PRKAA2: variants seen among roughly 807,000 people sequenced by gnomAD.
PRKAA2 encodes 5'-AMP-activated protein kinase catalytic subunit alpha-2.
PRKAA2 carries 40 observed loss-of-function variants against 56.3 expected under a neutral mutation model. That is an observed-to-expected ratio of 0.71 (90% CI 0.55 to 0.92). The LOEUF (loss-of-function observed/expected upper bound fraction) is 0.92, where lower values mean the gene tolerates loss of function less well. Among genes scored for constraint, PRKAA2 ranks in the 40% least tolerant of loss-of-function variants. PRKAA2 has a pLI of 0.00. For synonymous variants in PRKAA2, 214 were observed against 234.2 expected (o/e 0.91, Z 0.79); for missense variants, 542 against 686.9 (o/e 0.79, Z 2.36).
chr1:56,653,480 G>C (rs1643916767), intron 1 of PRKAA2, among the ~76,000 whole-genome samples: 1 of 152,000 alleles, frequency 6.6e-6, no homozygotes, highest in Non-Finnish European at 1.5e-5. Context: ...TAGAAGACCT[G>C]GTGTGGAACC....
At chr1:56,653,123 C>G (rs890599166) in intron 1 of PRKAA2, among the ~76,000 whole-genome samples, 3 of 139,230 alleles carry the variant, frequency 2.2e-5, no homozygotes, top group East Asian at 3.9e-4. Context: ...AAATTCTAAA[C>G]AAGTGTTAAA....
At chr1:56,705,790 C>T (rs1310587195) in intron 7 of PRKAA2, among the ~76,000 whole-genome samples, 1 of 152,208 alleles carries the variant, frequency 6.6e-6, no homozygotes, top group East Asian at 1.9e-4. Context: ...AGAGTTGATG[C>T]TTATCTAGAG....
At chr1:56,663,307 C>T (rs769855276) in intron 1 of PRKAA2, among the ~76,000 whole-genome samples, 1 of 152,112 alleles carries the variant, frequency 6.6e-6, no homozygotes, top group Non-Finnish European at 1.5e-5. Flanking sequence ...AGGCTGGTCT[C>T]GTCCTCCTGG....
chr1:56,687,888 G>A (rs1358383678), intron 2 of PRKAA2, among the ~76,000 whole-genome samples: 1 of 151,804 alleles, frequency 6.6e-6, no homozygotes, highest in Non-Finnish European at 1.5e-5. Flanking sequence ...CGTATAACTT[G>A]GTCAACTGGA....
intron 1 of PRKAA2, among the ~76,000 whole-genome samples, chr1:56,670,599 G>A (rs929145390): frequency 6.6e-6 from 1 of 152,188 alleles, no homozygotes; most frequent in Non-Finnish European, 1.5e-5. Flanking sequence ...GTACTCAGTT[G>A]TAATTTGGGA....
At chr1:56,704,653 A>G (rs1008237470) in intron 7 of PRKAA2, among the ~76,000 whole-genome samples, 178 bp downstream of exon 7, 1 of 152,224 alleles carries the variant, frequency 6.6e-6, no homozygotes, top group African/African-American at 2.4e-5. Flanking sequence ...GGGAACCAAC[A>G]TATTTTGAAT....
chr1:56,713,485 C>T lies in PRKAA2; in HGVS notation c.*5772C>T, dbSNP rs888184640. On this transcript the variant is annotated 3_prime_UTR_variant, in exon 9 of 9. Coordinates refer to ENST00000371244, the MANE Select transcript of PRKAA2 (RefSeq NM_006252.4). Reference sequence around the variant, plus strand: ...AAGCAGGGTAGGTAAATTTCAATTACGTTTGAAGTGTAATTAAATCCTAGA... The same window carrying T: ...AAGCAGGGTAGGTAAATTTCAATTATGTTTGAAGTGTAATTAAATCCTAGA... The T allele has an allele frequency of 2.6e-5, 4 of 151,538 alleles. No homozygotes were observed. The highest frequency in any genetic ancestry group is 4.4e-5 in the Non-Finnish European group (3 of 67,938). 9.4% of individuals were successfully genotyped at this position (151,538 alleles called of 1,614,324 possible).
At chr1:56,646,324 G>T (rs2100371815) in intron 1 of PRKAA2, among the ~76,000 whole-genome samples, 1 of 152,246 alleles carries the variant, frequency 6.6e-6, no homozygotes, top group East Asian at 1.9e-4. Flanking sequence ...CTAGGGTAAG[G>T]GAGAGAAAAA....
At position 56,707,875 on chromosome 1, in the gene PRKAA2, G is replaced by C. The variant is rs889039584; in HGVS notation, c.*162G>C. ...TGAAATTACTGAAAACAAAATATCT[G>C]ACATCTTATTTACTTGTAGAAATCT... On this transcript the variant is annotated 3_prime_UTR_variant, in exon 9 of 9. Coordinates refer to ENST00000371244, the MANE Select transcript of PRKAA2 (RefSeq NM_006252.4). The C allele has an allele frequency of 1.5e-6, 1 of 677,378 alleles. No individual in the cohort carries two copies. Among genetic ancestry groups the C allele is most frequent in the Non-Finnish European group, 2.5e-6 (1 of 406,354 alleles). The allele number at this position is 677,378 out of a possible 1,614,324, so 42.0% of individuals were successfully genotyped here. A position where few individuals can be genotyped will look rare whatever the true frequency, so the allele number is the denominator to read the frequency against.
rs755346871 is a variant in PRKAA2 at position 56,692,469 on chromosome 1, G to T, written c.442G>T (p.Asp148Tyr). The T allele has an allele frequency of 1.9e-6, 3 of 1,614,064 alleles. No individual in the cohort carries two copies. Among genetic ancestry groups the T allele is most frequent in the Non-Finnish European group, 2.5e-6 (3 of 1,179,978 alleles). ...RDLKPENVLL[D>Y]AHMNAKIADF... is the part of the protein sequence containing the mutation. ...CCTGAAACCAGAGAATGTCCTGTTGGATGCACACATGAATGCCAAGATAGC... is the reference window on the plus strand; with the variant it reads ...CCTGAAACCAGAGAATGTCCTGTTGTATGCACACATGAATGCCAAGATAGC... Residue 148 changes from aspartate (D) to tyrosine (Y), a missense_variant, in exon 4 of 9, where the codon GAT (aspartate) becomes TAT (tyrosine). This residue lies in a region of PRKAA2 where 121 missense variants were observed against 210.0 expected (regional missense o/e 0.58). Transcript: ENST00000371244.
intron 2 of PRKAA2, among the ~76,000 whole-genome samples, chr1:56,686,883 CTT>C (rs144698190): frequency 0.87 from 111,991 of 128,612 alleles, 48,614 homozygotes; most frequent in Admixed American, 0.89. Flanking sequence ...CCTAAATACT[CTT>C]TTTTTTTTTT....
intron 1 of PRKAA2, among the ~76,000 whole-genome samples, chr1:56,645,696 G>C (rs1270344176): frequency 6.6e-6 from 1 of 152,058 alleles, no homozygotes; most frequent in African/African-American, 2.4e-5. Flanking sequence ...GAGGGCGGGG[G>C]TGTGAGCTGA....
chr1:56,668,674 T>G (rs987689641), intron 1 of PRKAA2, among the ~76,000 whole-genome samples: 1 of 152,146 alleles, frequency 6.6e-6, no homozygotes, highest in Non-Finnish European at 1.5e-5. Flanking sequence ...CTAAACTATA[T>G]AATATATTAA....
intron 1 of PRKAA2, among the ~76,000 whole-genome samples, chr1:56,668,181 T>C (rs1245252538): frequency 1.3e-5 from 2 of 150,744 alleles, no homozygotes; most frequent in African/African-American, 4.9e-5. Flanking sequence ...TCAGGGACTC[T>C]TTAGAGTACA....
In PRKAA2 at chr1:56,655,285, T is replaced by A. The variant is rs868556514; in HGVS notation, c.94+9804T>A. ...TTATATATCTATATATATATATTTT[T>A]TTTTTTTTTTTGTAGAGACAGGGTC... is the stretch of plus-strand genomic sequence containing the variant. On this transcript the variant is annotated intron_variant, in intron 1 of 8. Transcript: ENST00000371244. Among the ~76,000 whole-genome samples the A allele has an allele frequency of 9.0e-3, 1,253 of 139,092 alleles. 26 individuals are homozygous for A. The highest frequency in any genetic ancestry group is 0.014 in the Admixed American group (194 of 13,776). The allele number at this position is 139,092 out of a possible 152,430, so 91.2% of individuals were successfully genotyped here.
intron 6 of PRKAA2, among the ~76,000 whole-genome samples, chr1:56,698,842 A>C (rs1425471060): frequency 1.3e-5 from 2 of 152,118 alleles, no homozygotes; most frequent in African/African-American, 4.8e-5. Flanking sequence ...GCTCTGTGCA[A>C]GGTCTTGTGC....
At position 56,689,889 on chromosome 1, in the gene PRKAA2, GACACACAGACACAC is replaced by G. The variant is rs1471685159; in HGVS notation, c.237-1497_237-1484del. ...CCAGCTTTGGATGCCTAGAAACACA[GACACACAGACACAC>G]ACACACACACACACACACACACACA... On this transcript the variant is annotated intron_variant, in intron 2 of 8. Transcript: ENST00000371244. 8.0e-5 allele frequency among the ~76,000 whole-genome samples: 5 copies of G among 62,438 alleles called. No homozygotes were observed. The South Asian group carries it at 3.0e-3, about 38-fold the overall frequency. 41.0% of individuals were successfully genotyped at this position (62,438 alleles called of 152,430 possible).
intron 2 of PRKAA2, among the ~76,000 whole-genome samples, chr1:56,688,107 G>A (rs1170466839): frequency 6.6e-6 from 1 of 152,104 alleles, no homozygotes; most frequent in East Asian, 1.9e-4. Context: ...ACTCAGGCCA[G>A]GCTTAGAATG....
At chr1:56,698,068 T>C (rs1644270576) in intron 6 of PRKAA2, among the ~76,000 whole-genome samples, 1 of 146,016 alleles carries the variant, frequency 6.8e-6, no homozygotes, top group Non-Finnish European at 1.5e-5. Flanking sequence ...GGAATTCTCA[T>C]TTTTTTAATT....
Sources: allele counts gnomAD v4.1 joint callset (sites outside exome capture counted in the v4.1 genomes callset), GRCh38; gene constraint gnomAD v4.1.1; regional missense constraint gnomAD v4.1.1; transcripts MANE v1.5; gene names NCBI Gene and HGNC (gene_info 2026-07-23, HGNC 2026-07-21).